The following RHBDL1 variants were observed in gnomAD, a reference collection of about 807,000 sequenced individuals.
RHBDL1 encodes the protein rhomboid-related protein 1.
RHBDL1 carries 21 observed loss-of-function variants against 34.0 expected under a neutral mutation model. That is an observed-to-expected ratio of 0.62 (90% CI 0.44 to 0.89). The LOEUF (loss-of-function observed/expected upper bound fraction) is 0.89. Ranked by LOEUF, RHBDL1 falls within the 40% of genes least tolerant of loss-of-function variation. The pLI is 0.00. For missense variants in RHBDL1, 450 were observed against 530.6 expected, an observed-to-expected ratio of 0.85 and a Z score of 1.49; for synonymous variants, 268 against 234.8, an observed-to-expected ratio of 1.14 and a Z score of -1.29.
chr16:676,820 T>C lies in RHBDL1; in HGVS notation c.350T>C (p.Val117Ala). 2 of 1,608,122 alleles carry C rather than the reference T, an allele frequency of 1.2e-6. No individual in the cohort carries two copies. Among genetic ancestry groups the C allele is most frequent in the South Asian group, 2.2e-5 (2 of 90,880 alleles). Residue 117 changes from valine to alanine, a missense_variant, in exon 3 of 8, where the codon GTG becomes GCG. Val to Ala is a moderately conservative substitution (Grantham distance 64). Coordinates refer to ENST00000352681, the MANE Select transcript of RHBDL1 (RefSeq NM_001278720.2). The surrounding 1 kb of genome is among the most constrained non-coding windows in gnomAD (Gnocchi z 6.9). ...GCCTACGAGATCCTGCCTTGTGAGG[T>C]GGACCGCCGCTGGTACTTCTACCGT... ...YVAYEILPCE[V>A]DRRWYFYRHR...
At position 676,686 on chromosome 16, in the gene RHBDL1, C is replaced by T. The variant is rs12929870; in HGVS notation, c.216C>T (p.Arg72=). 5 of 1,612,124 alleles carry T rather than the reference C, an allele frequency of 3.1e-6. No homozygotes were observed. The highest frequency in any genetic ancestry group is 2.7e-5 in the African/African-American group (2 of 74,972). The change falls in exon 3 of 8, where the codon CGC becomes CGT. Residue 72 remains arginine, a synonymous_variant. Transcript: ENST00000352681. The surrounding 1 kb of genome is among the most constrained non-coding windows in gnomAD (Gnocchi z 6.9). ...CCTGCCCCCAGATCAGCAGCAAGCG[C>T]TCCAGCAGTTTCAAGCGGGCCATTG... ...QELVDLISSK[R]SSSFKRAIAN...
At position 678,007 on chromosome 16, in the gene RHBDL1, C is replaced by T. The variant is rs2039582975; in HGVS notation, c.1077C>T (p.Val359=). The change falls in exon 8 of 8, where the codon GTC becomes GTT. Residue 359 remains valine (V), a synonymous_variant. Coordinates refer to ENST00000352681, the MANE Select transcript of RHBDL1 (RefSeq NM_001278720.2). ...TFLLFAVFWN[V]FAYDLLGAHI... is the part of the protein sequence containing the mutation. Reference sequence around the variant, plus strand: ...TGCTCTTCGCCGTCTTCTGGAACGTCTTCGCCTACGACCTGCTGGGCGCCC... The same window carrying T: ...TGCTCTTCGCCGTCTTCTGGAACGTTTTCGCCTACGACCTGCTGGGCGCCC... 5 of 1,594,942 alleles carry T rather than the reference C, an allele frequency of 3.1e-6. No individual in the cohort carries two copies. In the Middle Eastern group the frequency reaches 6.6e-4, roughly 211 times the overall value.
Position 677,941 on chromosome 16 carries a change from G to A in RHBDL1, c.1011G>A (p.Gln337=), listed in dbSNP as rs202217653. ...GCTACGAGGAGCGCCTGCGGGACCA[G>A]TGCGGCTGGTGGGTGGTGCTGCTGG... ...LRSYEERLRD[Q]CGWWVVLLAY... The change falls in exon 8 of 8, where the codon CAG becomes CAA. Residue 337 remains glutamine, a synonymous_variant. Coordinates refer to ENST00000352681, the MANE Select transcript of RHBDL1 (RefSeq NM_001278720.2). The A allele has an allele frequency of 6.2e-7, 1 of 1,603,646 alleles. No homozygotes were observed. Among genetic ancestry groups the A allele is most frequent in the Non-Finnish European group, 8.5e-7 (1 of 1,179,442 alleles).
Position 678,189 on chromosome 16 carries a change from C to T in RHBDL1, c.*137C>T. ...GGTGTGGGTGGCCTCAAAGGAGGCC[C>T]TGTCCCAGCCACCCACCCCCCACTC... On this transcript the variant is annotated 3_prime_UTR_variant, in exon 8 of 8. Coordinates refer to ENST00000352681, the MANE Select transcript of RHBDL1 (RefSeq NM_001278720.2). 7.2e-7 allele frequency: 1 copy of T among 1,390,196 alleles called. No homozygotes were observed. The highest frequency in any genetic ancestry group is 9.3e-7 in the Non-Finnish European group (1 of 1,078,588). 86.1% of individuals were successfully genotyped at this position (1,390,196 alleles called of 1,614,324 possible). A position where few individuals can be genotyped will look rare whatever the true frequency, so the allele number is the denominator to read the frequency against.
In RHBDL1 at chr16:676,860, A is replaced by G; in HGVS notation, c.390A>G (p.Pro130=). 6.2e-7 allele frequency: 1 copy of G among 1,608,940 alleles called. No homozygotes were observed. The highest frequency in any genetic ancestry group is 1.1e-5 in the South Asian group (1 of 90,900). Residue 130 remains proline (P), a synonymous_variant, in exon 3 of 8, where the codon CCA becomes CCG. Coordinates refer to ENST00000352681, the MANE Select transcript of RHBDL1 (RefSeq NM_001278720.2). The surrounding 1 kb of genome is among the most constrained non-coding windows in gnomAD (Gnocchi z 6.9). The part of the protein sequence containing the change: ...RWYFYRHRSC[P]PPVFMASVTL... ...ACTTCTACCGTCACCGCAGCTGCCCACCCCCCGTGTTCATGGCCTCGGTCA... is the reference window on the plus strand; with the variant it reads ...ACTTCTACCGTCACCGCAGCTGCCCGCCCCCCGTGTTCATGGCCTCGGTCA...
rs912979486 is a variant in RHBDL1 at position 675,937 on chromosome 16, C to T, written c.39+108C>T. ...GCTCCCCGAAAGCCCCGCTCGGTAC[C>T]TACCTCATCCCTCCACGACCTTGGT... On this transcript the variant is annotated intron_variant, in intron 1 of 7. Coordinates refer to ENST00000352681, the MANE Select transcript of RHBDL1 (RefSeq NM_001278720.2). 5 of 1,417,290 alleles carry T rather than the reference C, an allele frequency of 3.5e-6. No homozygotes were observed. In the African/African-American group the frequency reaches 4.3e-5, roughly 12 times the overall value. The allele number at this position is 1,417,290 out of a possible 1,614,324, so 87.8% of individuals were successfully genotyped here. A position where few individuals can be genotyped will look rare whatever the true frequency, so the allele number is the denominator to read the frequency against.
chr16:676,881 G>C lies in RHBDL1; in HGVS notation c.411G>C (p.Ser137=), dbSNP rs200235338. The change falls in exon 3 of 8, where the codon TCG becomes TCC. Residue 137 remains serine, a synonymous_variant. Coordinates refer to ENST00000352681, the MANE Select transcript of RHBDL1 (RefSeq NM_001278720.2). The surrounding 1 kb of genome is among the most constrained non-coding windows in gnomAD (Gnocchi z 6.9). ...GCCCACCCCCCGTGTTCATGGCCTC[G>C]GTCACTCTTGCCCAGGTGGGCCCCC... is the stretch of plus-strand genomic sequence containing the variant. ...RSCPPPVFMA[S]VTLAQIIVFL... is the part of the protein sequence containing the mutation. 5 of 1,611,724 alleles carry C rather than the reference G, an allele frequency of 3.1e-6. No homozygotes were observed. The Middle Eastern group carries it at 6.6e-4, about 213-fold the overall frequency.
At position 676,733 on chromosome 16, in the gene RHBDL1, C is replaced by T; in HGVS notation, c.263C>T (p.Pro88Leu). The T allele has an allele frequency of 1.9e-6, 3 of 1,612,226 alleles. No homozygotes were observed. The highest frequency in any genetic ancestry group is 2.5e-6 in the Non-Finnish European group (3 of 1,179,870). Reference sequence around the variant, plus strand: ...ATTGCTAACGGACAGCGGGCACTGCCCCGGGACGGGCCGCTGGATGAGCCA... The same window carrying T: ...ATTGCTAACGGACAGCGGGCACTGCTCCGGGACGGGCCGCTGGATGAGCCA... The part of the protein sequence containing the change: ...RAIANGQRAL[P>L]RDGPLDEPGL... Residue 88 changes from proline (P) to leucine (L), a missense_variant, in exon 3 of 8, where the codon CCC becomes CTC. Physicochemically the swap from Pro to Leu is moderately conservative, Grantham distance 98. Transcript: ENST00000352681. This position sits in a 1 kb window ranked among gnomAD's most constrained non-coding sequence, Gnocchi z 6.9.
rs200881381 is a variant in RHBDL1 at position 676,628 on chromosome 16, G to A, written c.202-44G>A. 1.2e-5 allele frequency: 19 copies of A among 1,599,006 alleles called. No homozygotes were observed. In the Admixed American group the frequency reaches 2.3e-4, roughly 20 times the overall value. On this transcript the variant is annotated intron_variant, in intron 2 of 7. Transcript: ENST00000352681. The surrounding 1 kb of genome is among the most constrained non-coding windows in gnomAD (Gnocchi z 6.9). Reference sequence around the variant, plus strand: ...CTGGGTGAGCCTCACAGGCAGGGGTGCCATGGGGAGGTCCGTGGCCCACAC... The same window carrying A: ...CTGGGTGAGCCTCACAGGCAGGGGTACCATGGGGAGGTCCGTGGCCCACAC...
Position 678,202 on chromosome 16 carries a change from C to T in RHBDL1, c.*150C>T. On this transcript the variant is annotated 3_prime_UTR_variant, in exon 8 of 8. Coordinates refer to ENST00000352681, the MANE Select transcript of RHBDL1 (RefSeq NM_001278720.2). Reference sequence around the variant, plus strand: ...TCAAAGGAGGCCCTGTCCCAGCCACCCACCCCCCACTCCCAGGACTTGCGG... The same window carrying T: ...TCAAAGGAGGCCCTGTCCCAGCCACTCACCCCCCACTCCCAGGACTTGCGG... 7.2e-7 allele frequency: 1 copy of T among 1,382,538 alleles called. No homozygotes were observed. The highest frequency in any genetic ancestry group is 9.3e-7 in the Non-Finnish European group (1 of 1,074,506). 85.6% of individuals were successfully genotyped at this position (1,382,538 alleles called of 1,614,324 possible). A position where few individuals can be genotyped will look rare whatever the true frequency, so the allele number is the denominator to read the frequency against.
Position 677,488 on chromosome 16 carries a change from C to A in RHBDL1, c.718C>A (p.Arg240=). 6.2e-7 allele frequency: 1 copy of A among 1,608,254 alleles called. No individual in the cohort carries two copies. Among genetic ancestry groups the A allele is most frequent in the Non-Finnish European group, 8.5e-7 (1 of 1,179,432 alleles). ...GSLTVSITDM[R]APVVGGSGGV... is the part of the protein sequence containing the mutation. ...CCTAACCGTCTCCATCACCGACATG[C>A]GGGCCCCGGTGGTGGGAGGCTCCGG... Residue 240 remains arginine, a synonymous_variant, in exon 6 of 8, where the codon CGG becomes AGG. Coordinates refer to ENST00000352681, the MANE Select transcript of RHBDL1 (RefSeq NM_001278720.2).
chr16:676,210 G>C lies in RHBDL1; in HGVS notation c.40-126G>C. On this transcript the variant is annotated intron_variant, in intron 1 of 7. Coordinates refer to ENST00000352681, the MANE Select transcript of RHBDL1 (RefSeq NM_001278720.2). The surrounding 1 kb of genome is among the most constrained non-coding windows in gnomAD (Gnocchi z 6.9). Reference sequence around the variant, plus strand: ...CAAGCAGGGTCCCAGGGAACAGACAGGCACGGGGCCCCTGTCCCAAAAGTG... The same window carrying C: ...CAAGCAGGGTCCCAGGGAACAGACACGCACGGGGCCCCTGTCCCAAAAGTG... 6.5e-7 allele frequency: 1 copy of C among 1,536,498 alleles called. No individual in the cohort carries two copies. The highest frequency in any genetic ancestry group is 8.8e-7 in the Non-Finnish European group (1 of 1,139,148).
Position 678,204 on chromosome 16 carries a change from AC to A in RHBDL1, c.*158del. The A allele has an allele frequency of 2.9e-6, 4 of 1,365,006 alleles. No individual in the cohort carries two copies. The highest frequency in any genetic ancestry group is 3.5e-5 in the Admixed American group (1 of 28,962). 84.6% of individuals were successfully genotyped at this position (1,365,006 alleles called of 1,614,324 possible). Reference sequence around the variant, plus strand: ...AAAGGAGGCCCTGTCCCAGCCACCCACCCCCCACTCCCAGGACTTGCGGTCT... The same window carrying A: ...AAAGGAGGCCCTGTCCCAGCCACCCACCCCCACTCCCAGGACTTGCGGTCT... On this transcript the variant is annotated 3_prime_UTR_variant, in exon 8 of 8. Coordinates refer to ENST00000352681, the MANE Select transcript of RHBDL1 (RefSeq NM_001278720.2).
intron 6 of RHBDL1, 23 bp from the exon 7 acceptor site, chr16:677,616 T>G: frequency 6.2e-7 from 1 of 1,602,202 alleles, no homozygotes; most frequent in Non-Finnish European, 8.5e-7. Context: ...GCCTCACCAC[T>G]TCTCGTCTGC....
chr16:676,395 C>G lies in RHBDL1; in HGVS notation c.99C>G (p.His33Gln). Reference protein sequence around the residue: ...IGADTFTGLVHSHELPLDPAK... With the variant: ...IGADTFTGLVQSHELPLDPAK... ...CGGACACCTTCACTGGCCTGGTGCA[C>G]AGCCATGAGCTGCCCCTGGACCCGG... The change falls in exon 2 of 8, where the codon CAC (histidine) becomes CAG (glutamine). Residue 33 changes from histidine (H) to glutamine (Q), a missense_variant. Physicochemically the swap from His to Gln is conservative, Grantham distance 24 (BLOSUM62 0). Transcript: ENST00000352681. This position sits in a 1 kb window ranked among gnomAD's most constrained non-coding sequence, Gnocchi z 6.9. 4.4e-6 allele frequency: 7 copies of G among 1,609,064 alleles called. No homozygotes were observed. Among genetic ancestry groups the G allele is most frequent in the Non-Finnish European group, 5.9e-6 (7 of 1,178,826 alleles).
In RHBDL1 at chr16:678,053, C is replaced by T; in HGVS notation, c.*1C>T. ...CGCCCACATCCCCCCACCGCCCTGA[C>T]CGGCTACCTGAGGCTGCACAGGCCA... On this transcript the variant is annotated 3_prime_UTR_variant, in exon 8 of 8. Transcript: ENST00000352681. The T allele has an allele frequency of 6.4e-7, 1 of 1,557,574 alleles. No homozygotes were observed. Among genetic ancestry groups the T allele is most frequent in the Non-Finnish European group, 8.6e-7 (1 of 1,156,788 alleles).
rs762740637 is a variant in RHBDL1, at chr16:677,788, C to T, written c.858C>T (p.Ser286=). The change falls in exon 8 of 8, where the codon TCC becomes TCT. Residue 286 remains serine (S), a synonymous_variant. Transcript: ENST00000352681. ...TGCCGCGTCCCTCTGCAGTGAGCTC[C>T]GAGGTGGGCCGGGCCGTGTGGCTGC... The part of the protein sequence containing the change: ...RMVLALVCMS[S]EVGRAVWLRF... The T allele has an allele frequency of 1.0e-5, 16 of 1,543,594 alleles. No homozygotes were observed. Among genetic ancestry groups the T allele is most frequent in the African/African-American group, 1.4e-5 (1 of 73,430 alleles).
At position 677,093 on chromosome 16, in the gene RHBDL1, C is replaced by T. The variant is rs781661304; in HGVS notation, c.549C>T (p.Phe183=). The part of the protein sequence containing the change: ...HPGHRARAWR[F]LTYMFMHVGL... ...GGCACCGTGCCCGCGCCTGGCGCTT[C>T]CTCACCTACATGTTCATGCACGTTG... Residue 183 remains phenylalanine, a synonymous_variant, in exon 4 of 8, where the codon TTC becomes TTT. Transcript: ENST00000352681. 43 of 1,612,592 alleles carry T rather than the reference C, an allele frequency of 2.7e-5. 1 individual carries two copies. The South Asian group carries it at 3.5e-4, about 13-fold the overall frequency.
Position 678,019 on chromosome 16 carries a change from C to T in RHBDL1, c.1089C>T (p.Asp363=), listed in dbSNP as rs1404677286. The change falls in exon 8 of 8, where the codon GAC becomes GAT. Residue 363 remains aspartate, a synonymous_variant. Transcript: ENST00000352681. ...FAVFWNVFAY[D]LLGAHIPPPP is the part of the protein sequence containing the mutation. ...TCTTCTGGAACGTCTTCGCCTACGA[C>T]CTGCTGGGCGCCCACATCCCCCCAC... is the stretch of plus-strand genomic sequence containing the variant. The T allele has an allele frequency of 6.3e-7, 1 of 1,586,616 alleles. No homozygotes were observed.
Sources: gnomAD v4.1 joint callset for allele counts on GRCh38, gnomAD v4.1.1 for gene constraint, Gnocchi (gnomAD v3.1) non-coding constraint, MANE v1.5 for transcripts, NCBI Gene and HGNC (gene_info 2026-07-23, HGNC 2026-07-21) for gene names.